The following CACNA2D3 variants were observed in gnomAD, a reference collection of about 807,000 sequenced individuals.
CACNA2D3 encodes the protein calcium voltage-gated channel auxiliary subunit alpha2delta 3.
A neutral mutation model predicts 160.6 loss-of-function variants in CACNA2D3; 60 were observed. That is an observed-to-expected ratio of 0.37 (90% CI 0.30 to 0.46). The LOEUF is 0.46. Ranked by LOEUF, CACNA2D3 falls within the 20% of genes least tolerant of loss-of-function variation. CACNA2D3 has a pLI of 1.00. For missense variants in CACNA2D3, 1,205 were observed against 1,365.0 expected, an observed-to-expected ratio of 0.88 and a Z score of 1.85; for synonymous variants, 558 against 492.9, an observed-to-expected ratio of 1.13 and a Z score of -1.75.
At chr3:54,487,590 C>G (rs546618352) in intron 4 of CACNA2D3, among the ~76,000 whole-genome samples, 2 of 152,120 alleles carry the variant, frequency 1.3e-5, no homozygotes, top group African/African-American at 2.4e-5. Flanking sequence ...CCCTGGAGTT[C>G]CAACCATGAA....
At chr3:54,783,451 C>A (rs1053700629) in intron 13 of CACNA2D3, among the ~76,000 whole-genome samples, 1 of 151,886 alleles carries the variant, frequency 6.6e-6, no homozygotes, top group Admixed American at 6.6e-5. Flanking sequence ...ACTAAAAATA[C>A]AAAAATTAGC....
chr3:54,685,128 T>G (rs1168200211), intron 11 of CACNA2D3, among the ~76,000 whole-genome samples: 1 of 152,124 alleles, frequency 6.6e-6, no homozygotes, highest in Non-Finnish European at 1.5e-5. Flanking sequence ...TGAGGGTGGT[T>G]CAACAGCCGA....
At chr3:54,865,524 A>T (rs974531757) in intron 17 of CACNA2D3, among the ~76,000 whole-genome samples, 2 of 152,220 alleles carry the variant, frequency 1.3e-5, no homozygotes, top group African/African-American at 4.8e-5. Flanking sequence ...AGAGGCCTTG[A>T]TGTGCAGCTG....
chr3:55,009,850 A>G (rs1284049362), intron 34 of CACNA2D3, among the ~76,000 whole-genome samples: 1 of 152,170 alleles, frequency 6.6e-6, no homozygotes, highest in African/African-American at 2.4e-5. Context: ...ATCTGACCAC[A>G]TTACTATCCC....
At chr3:54,578,415 A>C (rs1033968103) in intron 8 of CACNA2D3, among the ~76,000 whole-genome samples, 10 of 152,242 alleles carry the variant, frequency 6.6e-5, no homozygotes, top group African/African-American at 2.4e-4. Context: ...AAAATGCAGA[A>C]GCTGAAAGAT....
At chr3:54,138,005 G>A (rs1207618612) in intron 2 of CACNA2D3, among the ~76,000 whole-genome samples, 1 of 152,204 alleles carries the variant, frequency 6.6e-6, no homozygotes, top group African/African-American at 2.4e-5. Flanking sequence ...ATGCTTATGA[G>A]CCAGTCACAG....
intron 2 of CACNA2D3, among the ~76,000 whole-genome samples, chr3:54,164,183 T>C (rs1700404961): frequency 6.6e-6 from 1 of 152,168 alleles, no homozygotes; most frequent in African/African-American, 2.4e-5. Flanking sequence ...ACTGTTTCTG[T>C]GTGTGAGGGA....
chr3:54,691,350 C>T (rs1192328544), intron 11 of CACNA2D3, among the ~76,000 whole-genome samples: 1 of 152,186 alleles, frequency 6.6e-6, no homozygotes, highest in Non-Finnish European at 1.5e-5. Flanking sequence ...CTCTTTGCTA[C>T]CAGGGGACTT....
At chr3:54,274,155 A>T (rs1353064482) in intron 2 of CACNA2D3, among the ~76,000 whole-genome samples, 1 of 152,154 alleles carries the variant, frequency 6.6e-6, no homozygotes, top group Non-Finnish European at 1.5e-5. Context: ...CAATATTTAC[A>T]AACAGAAACC....
intron 4 of CACNA2D3, among the ~76,000 whole-genome samples, chr3:54,495,481 G>T (rs1485571242): frequency 6.6e-6 from 1 of 152,128 alleles, no homozygotes; most frequent in Non-Finnish European, 1.5e-5. Flanking sequence ...AGGTGCAGTG[G>T]CTCATACCTG....
chr3:54,710,865 A>G (rs891539222), intron 11 of CACNA2D3, among the ~76,000 whole-genome samples: 5 of 152,244 alleles, frequency 3.3e-5, no homozygotes, highest in African/African-American at 9.6e-5. Context: ...ATTACTTAGA[A>G]TATTTAATTA....
intron 5 of CACNA2D3, among the ~76,000 whole-genome samples, chr3:54,514,939 C>T (rs1040842713): frequency 1.3e-5 from 2 of 152,130 alleles, no homozygotes; most frequent in South Asian, 2.1e-4. Context: ...TCAAGGAATA[C>T]GAATTTCTAC....
At chr3:54,698,130 C>G (rs558664563) in intron 11 of CACNA2D3, among the ~76,000 whole-genome samples, 1 of 142,896 alleles carries the variant, frequency 7.0e-6, no homozygotes, top group African/African-American at 2.6e-5. Context: ...CAGATCCTGG[C>G]GACAATTGAC....
At chr3:55,073,948 C>A in intron 37 of CACNA2D3, 89 bp downstream of exon 37, 2 of 1,198,748 alleles carry the variant, frequency 1.7e-6, no homozygotes, top group South Asian at 1.3e-5. Flanking sequence ...CTGAAAAGTT[C>A]ACTCATGAGA....
At chr3:54,923,027 T>C (rs1024201404) in intron 27 of CACNA2D3, among the ~76,000 whole-genome samples, 1 of 152,214 alleles carries the variant, frequency 6.6e-6, no homozygotes, top group African/African-American at 2.4e-5. Flanking sequence ...TGGGCCACCA[T>C]CATCTTCGCT....
chr3:54,353,056 G>C (rs2107534803), intron 3 of CACNA2D3, among the ~76,000 whole-genome samples: 1 of 152,248 alleles, frequency 6.6e-6, no homozygotes, highest in African/African-American at 2.4e-5. Context: ...AATCATTATT[G>C]ATTGTAGTCA....
chr3:54,627,330 G>A (rs1234918588), intron 9 of CACNA2D3, among the ~76,000 whole-genome samples: 1 of 152,200 alleles, frequency 6.6e-6, no homozygotes, highest in African/African-American at 2.4e-5. Context: ...ACGTCATGCG[G>A]TGGGAAGAGG....
At chr3:54,885,375 C>T in intron 22 of CACNA2D3, 49 bp downstream of exon 22, 1 of 1,607,042 alleles carries the variant, frequency 6.2e-7, no homozygotes, top group Non-Finnish European at 8.5e-7. Flanking sequence ...TCATTGCCCT[C>T]TTTGATTCCA....
At chr3:54,650,350 C>T (rs1368050338) in intron 11 of CACNA2D3, among the ~76,000 whole-genome samples, 2 of 151,688 alleles carry the variant, frequency 1.3e-5, no homozygotes, top group African/African-American at 2.4e-5. Flanking sequence ...CAGTCAGGCA[C>T]CACCACACCT....
Sources: gnomAD v4.1 joint callset for allele counts (sites outside exome capture counted in the v4.1 genomes callset) on GRCh38, gnomAD v4.1.1 for gene constraint, MANE v1.5 for transcripts, NCBI Gene and HGNC (gene_info 2026-07-23, HGNC 2026-07-21) for gene names.